SYNDIG1: variants seen among roughly 807,000 people sequenced by gnomAD.
SYNDIG1 encodes the protein synapse differentiation inducing 1, also known as synapse differentiation-inducing gene protein 1.
Under a neutral mutation model 19.4 loss-of-function variants are expected in SYNDIG1, and 9 were observed. The ratio of observed to expected loss-of-function variants is 0.46; its 90% CI spans 0.28 to 0.81. The LOEUF is 0.81. SYNDIG1 is among the 30% of genes least tolerant of loss of function. The pLI is 0.12. For missense variants in SYNDIG1, 311 were observed against 343.3 expected, an observed-to-expected ratio of 0.91 and a Z score of 0.74; for synonymous variants, 141 against 145.9, an observed-to-expected ratio of 0.97 and a Z score of 0.24.
chr20:24,497,254 T>G (rs1204696611), intron 1 of SYNDIG1, among the ~76,000 whole-genome samples: 1 of 152,170 alleles, frequency 6.6e-6, no homozygotes, highest in Non-Finnish European at 1.5e-5. Flanking sequence ...CCAGGCTGAG[T>G]GCAGGGATGC....
intron 1 of SYNDIG1, among the ~76,000 whole-genome samples, chr20:24,512,100 G>C (rs1466559311): frequency 8.2e-6 from 1 of 121,402 alleles, no homozygotes; most frequent in Non-Finnish European, 1.6e-5. Context: ...GGCACCATTG[G>C]TCTTTAAAAT....
chr20:24,577,944 T>G (rs1374136685), intron 2 of SYNDIG1, among the ~76,000 whole-genome samples: 1 of 152,210 alleles, frequency 6.6e-6, no homozygotes, highest in Admixed American at 6.5e-5. Context: ...AAGGTGGAGC[T>G]GCTGGTTACT....
At chr20:24,497,440 A>G (rs1191094019) in intron 1 of SYNDIG1, among the ~76,000 whole-genome samples, 1 of 152,160 alleles carries the variant, frequency 6.6e-6, no homozygotes, top group Non-Finnish European at 1.5e-5. Context: ...GCCTCAAGAG[A>G]TCTGCCCACC....
chr20:24,664,266 G>C (rs2059628842), intron 3 of SYNDIG1, among the ~76,000 whole-genome samples: 1 of 152,148 alleles, frequency 6.6e-6, no homozygotes, highest in Non-Finnish European at 1.5e-5. Flanking sequence ...CCACTGCAGA[G>C]GTGTTGGTGT....
At chr20:24,546,971 C>T (rs1003356340) in intron 2 of SYNDIG1, among the ~76,000 whole-genome samples, 1 of 152,180 alleles carries the variant, frequency 6.6e-6, no homozygotes, top group Non-Finnish European at 1.5e-5. Flanking sequence ...ATACTGTTTC[C>T]CAAATAATGC....
rs561607350 is a variant in SYNDIG1 at position 24,504,822 on chromosome 20, A to G, written c.-79+35069A>G. 3.3e-5 allele frequency among the ~76,000 whole-genome samples: 5 copies of G among 152,336 alleles called. No individual in the cohort carries two copies. The East Asian group carries it at 7.7e-4, about 24-fold the overall frequency. On this transcript the variant is annotated intron_variant, in intron 1 of 3. Transcript: ENST00000376862. ...TGGTCTGTGCCCCGGGAGCTGGGTCACTGAAGAATTCCTGCAGAGCTGTCA... is the reference window on the plus strand; with the variant it reads ...TGGTCTGTGCCCCGGGAGCTGGGTCGCTGAAGAATTCCTGCAGAGCTGTCA...
intron 3 of SYNDIG1, among the ~76,000 whole-genome samples, chr20:24,611,409 G>A (rs764446041): frequency 1.3e-4 from 20 of 152,292 alleles, no homozygotes; most frequent in African/African-American, 2.2e-4. Context: ...AGACTTCAGC[G>A]GTTCCTGATT....
At chr20:24,556,875 C>A (rs1274186586) in intron 2 of SYNDIG1, among the ~76,000 whole-genome samples, 1 of 152,206 alleles carries the variant, frequency 6.6e-6, no homozygotes, top group African/African-American at 2.4e-5. Flanking sequence ...TGGGGAAGTT[C>A]TCCTGGATAA....
At chr20:24,598,878 A>G (rs2058636231) in intron 3 of SYNDIG1, among the ~76,000 whole-genome samples, 1 of 152,226 alleles carries the variant, frequency 6.6e-6, no homozygotes, top group South Asian at 2.1e-4. Context: ...ACCAAAAACT[A>G]TAAAACTACT....
chr20:24,503,362 C>T (rs2056503706), intron 1 of SYNDIG1, among the ~76,000 whole-genome samples: 1 of 152,186 alleles, frequency 6.6e-6, no homozygotes, highest in African/African-American at 2.4e-5. Context: ...AATGAGATCA[C>T]ACCAAGAGGG....
At chr20:24,575,964 T>C (rs1332431571) in intron 2 of SYNDIG1, among the ~76,000 whole-genome samples, 4 of 152,032 alleles carry the variant, frequency 2.6e-5, no homozygotes, top group Non-Finnish European at 5.9e-5. Flanking sequence ...CACTTGCCCC[T>C]TCATGGAGGC....
chr20:24,526,557 A>C (rs188178737), intron 1 of SYNDIG1, among the ~76,000 whole-genome samples: 2 of 152,282 alleles, frequency 1.3e-5, no homozygotes. Context: ...AATGATTTAC[A>C]TTTATATATA....
intron 2 of SYNDIG1, among the ~76,000 whole-genome samples, chr20:24,555,976 A>C (rs560653424): frequency 6.6e-6 from 1 of 152,088 alleles, no homozygotes; most frequent in African/African-American, 2.4e-5. Flanking sequence ...TTGCTTTATG[A>C]ATCTGGGTGC....
At chr20:24,661,126 GA>G (rs1265532384) in intron 3 of SYNDIG1, among the ~76,000 whole-genome samples, 3 of 152,246 alleles carry the variant, frequency 2.0e-5, no homozygotes, top group Admixed American at 1.3e-4. Context: ...CACAGGCCTT[GA>G]GGCATCTAAA....
intron 3 of SYNDIG1, among the ~76,000 whole-genome samples, chr20:24,630,699 C>A (rs1012768952): frequency 6.6e-6 from 1 of 152,210 alleles, no homozygotes; most frequent in Non-Finnish European, 1.5e-5. Flanking sequence ...GAGCCTCATG[C>A]TGCATCCTCA....
intron 3 of SYNDIG1, among the ~76,000 whole-genome samples, chr20:24,636,748 C>T (rs2059320441): frequency 6.6e-6 from 1 of 152,214 alleles, no homozygotes; most frequent in Non-Finnish European, 1.5e-5. Context: ...ATGTCTGCAG[C>T]TCAATTTTAC....
intron 1 of SYNDIG1, among the ~76,000 whole-genome samples, chr20:24,473,358 A>C (rs2055525740): frequency 1.3e-5 from 2 of 152,212 alleles, no homozygotes; most frequent in South Asian, 2.1e-4. Context: ...AGTATTCAAA[A>C]CATTAGAGAT....
At chr20:24,654,079 T>A (rs2059499472) in intron 3 of SYNDIG1, among the ~76,000 whole-genome samples, 1 of 152,218 alleles carries the variant, frequency 6.6e-6, no homozygotes, top group Non-Finnish European at 1.5e-5. Flanking sequence ...ATGTATGCTG[T>A]TGTACAGAAG....
At chr20:24,487,225 A>G (rs1568575600) in intron 1 of SYNDIG1, among the ~76,000 whole-genome samples, 1 of 152,236 alleles carries the variant, frequency 6.6e-6, no homozygotes, top group African/African-American at 2.4e-5. Flanking sequence ...ATTTTGGGTC[A>G]AGAAATATAA....
Sources: gnomAD v4.1 joint callset for allele counts (sites outside exome capture counted in the v4.1 genomes callset) on GRCh38, gnomAD v4.1.1 for gene constraint, MANE v1.5 for transcripts, NCBI Gene and HGNC (gene_info 2026-07-23, HGNC 2026-07-21) for gene names.